Variants in NME7 observed in about 807,000 individuals in gnomAD.
The protein encoded by NME7 is NME/NM23 family member 7, also known as nucleoside diphosphate kinase 7.
NME7 carries 41 observed loss-of-function variants against 49.1 expected under a neutral mutation model. The observed-to-expected ratio is 0.83, with a 90% CI of 0.65 to 1.08. The LOEUF is 1.08. NME7 is among the 50% of genes least tolerant of loss of function. NME7 has a pLI of 0.00. For synonymous variants in NME7, 139 were observed against 150.6 expected, an observed-to-expected ratio of 0.92 and a Z score of 0.56; for missense variants, 423 against 463.4, an observed-to-expected ratio of 0.91 and a Z score of 0.80.
At chr1:169,303,248 T>C (rs934977250) in intron 4 of NME7, 53 bp from the exon 5 acceptor site, 16 of 856,306 alleles carry the variant, frequency 1.9e-5, no homozygotes, top group Non-Finnish European at 2.8e-5. Context: ...TAAACACTTA[T>C]TATTTTAGCT....
intron 6 of NME7, among the ~76,000 whole-genome samples, chr1:169,294,965 G>A (rs1299566809): frequency 6.6e-6 from 1 of 152,044 alleles, no homozygotes. Flanking sequence ...TCCCTCCAAG[G>A]TGAGCGAATT....
chr1:169,146,143 G>A (rs996434303), intron 11 of NME7, among the ~76,000 whole-genome samples: 36 of 152,122 alleles, frequency 2.4e-4, no homozygotes, highest in Admixed American at 1.7e-3. Context: ...ATGTCCATGT[G>A]TAACCATTGT....
At chr1:169,316,986 A>C (rs574880852) in intron 3 of NME7, among the ~76,000 whole-genome samples, 6 of 152,152 alleles carry the variant, frequency 3.9e-5, no homozygotes, top group Non-Finnish European at 7.4e-5. Flanking sequence ...ATCCAAAGAA[A>C]AGGCAAGAAG....
intron 7 of NME7, chr1:169,285,265 A>C (rs1441871804): frequency 6.6e-6 from 1 of 152,110 alleles, no homozygotes; most frequent in African/African-American, 2.4e-5. Flanking sequence ...TTTGAGCTTC[A>C]TGTCTGTGCT....
chr1:169,311,398 G>A (rs1314461858), intron 3 of NME7, among the ~76,000 whole-genome samples: 3 of 127,534 alleles, frequency 2.4e-5, no homozygotes, highest in Non-Finnish European at 3.1e-5. Flanking sequence ...CAGCCTGGGC[G>A]ACAGCGAGAC....
intron 3 of NME7, among the ~76,000 whole-genome samples, chr1:169,311,156 C>T (rs1372898008): frequency 3.9e-5 from 6 of 152,006 alleles, no homozygotes; most frequent in African/African-American, 9.7e-5. Context: ...CGGTGGCTCA[C>T]GCCTGTAATC....
At chr1:169,212,849 A>G (rs1251713812) in intron 10 of NME7, among the ~76,000 whole-genome samples, 2 of 152,020 alleles carry the variant, frequency 1.3e-5, no homozygotes, top group African/African-American at 4.8e-5. Context: ...AGTTGGTCTC[A>G]AACTCCTGGC....
chr1:169,196,771 C>T (rs568622353), intron 10 of NME7, among the ~76,000 whole-genome samples: 4 of 152,278 alleles, frequency 2.6e-5, no homozygotes, highest in African/African-American at 4.8e-5. Context: ...AAGCTGCTCA[C>T]ATAACATGAG....
intron 8 of NME7, 120 bp downstream of exon 8, chr1:169,237,503 G>C (rs932169103): frequency 1.6e-6 from 1 of 644,194 alleles, no homozygotes; most frequent in Non-Finnish European, 2.6e-6. Context: ...AGTTCAGTAA[G>C]TATGTCTTTT....
intron 1 of NME7, among the ~76,000 whole-genome samples, chr1:169,327,842 G>A (rs556352437): frequency 6.6e-6 from 1 of 152,276 alleles, no homozygotes; most frequent in Admixed American, 6.5e-5. Context: ...CAGCTTTACA[G>A]TGGATCATAT....
intron 10 of NME7, chr1:169,190,557 A>G: frequency 5.7e-6 from 2 of 351,060 alleles, no homozygotes; most frequent in South Asian, 4.3e-5. Flanking sequence ...GGTAATAAAC[A>G]TGGACTACTT....
At chr1:169,288,201 G>A (rs1372095717) in intron 6 of NME7, among the ~76,000 whole-genome samples, 1 of 152,134 alleles carries the variant, frequency 6.6e-6, no homozygotes, top group Non-Finnish European at 1.5e-5. Context: ...CCAAAGTTAT[G>A]GTTATTTGGG....
At chr1:169,228,041 TACACACAC>T (rs72257273) in intron 10 of NME7, among the ~76,000 whole-genome samples, 34 of 147,128 alleles carry the variant, frequency 2.3e-4, no homozygotes, top group South Asian at 1.7e-3. Context: ...TATGTGTGTA[TACACACAC>T]ACACACACAC....
intron 1 of NME7, among the ~76,000 whole-genome samples, chr1:169,346,573 C>A (rs1652958116): frequency 1.3e-5 from 2 of 152,174 alleles, no homozygotes; most frequent in African/African-American, 4.8e-5. Context: ...CTATCAGTAC[C>A]CCCAACATTC....
At chr1:169,175,028 G>A (rs116720900) in intron 10 of NME7, among the ~76,000 whole-genome samples, 5 of 151,580 alleles carry the variant, frequency 3.3e-5, no homozygotes, top group Non-Finnish European at 5.9e-5. Flanking sequence ...TGACTCTTTT[G>A]TAATAACACA....
chr1:169,315,454 C>A (rs924597876), intron 3 of NME7, among the ~76,000 whole-genome samples: 5 of 151,830 alleles, frequency 3.3e-5, no homozygotes, highest in African/African-American at 1.2e-4. Context: ...TTAGTAGAGA[C>A]AAGGTTTCAC....
At chr1:169,312,808 G>A (rs957818320) in intron 3 of NME7, among the ~76,000 whole-genome samples, 1 of 152,164 alleles carries the variant, frequency 6.6e-6, no homozygotes, top group Non-Finnish European at 1.5e-5. Flanking sequence ...CTTAGATAGT[G>A]CAGTGCTATG....
At chr1:169,367,301 A>G (rs1653908911) in intron 1 of NME7, among the ~76,000 whole-genome samples, 1 of 152,220 alleles carries the variant, frequency 6.6e-6, no homozygotes, top group African/African-American at 2.4e-5. Context: ...AAAAGCAAAA[A>G]GACTCCAAGA....
At chr1:169,364,635 A>G (rs10919150) in intron 1 of NME7, among the ~76,000 whole-genome samples, 12,643 of 152,272 alleles carry the variant, frequency 0.083, 716 homozygotes, top group Admixed American at 0.19. Flanking sequence ...TGCAAAAATT[A>G]TAACAGTGAG....
Sources: gnomAD v4.1 joint callset for allele counts (sites outside exome capture counted in the v4.1 genomes callset) on GRCh38, gnomAD v4.1.1 for gene constraint, MANE v1.5 for transcripts, NCBI Gene and HGNC (gene_info 2026-07-23, HGNC 2026-07-21) for gene names.